The following DST variants were observed in gnomAD, a reference collection of about 807,000 sequenced individuals.
DST encodes bullous pemphigoid antigen.
Under a neutral mutation model 875.2 loss-of-function variants are expected in DST, and 253 were observed. That is an observed-to-expected ratio of 0.29 (90% CI 0.26 to 0.32). The LOEUF is 0.32. Ranked by LOEUF, DST falls within the 10% of genes least tolerant of loss-of-function variation. The pLI is 1.00. For missense variants in DST, 8,287 were observed against 9,111.6 expected (o/e 0.91, Z 3.68); for synonymous variants, 3,124 against 3,197.1 (o/e 0.98, Z 0.77).
At chr6:56,909,314 G>T (rs1029342349) in intron 2 of DST, among the ~76,000 whole-genome samples, 19 of 152,096 alleles carry the variant, frequency 1.2e-4, no homozygotes, top group African/African-American at 4.6e-4. Flanking sequence ...GTTAGATAAG[G>T]CCATGTGACT....
chr6:56,492,103 T>C (rs2095767538), intron 85 of DST, 124 bp downstream of exon 85: 8 of 898,662 alleles, frequency 8.9e-6, no homozygotes, highest in Non-Finnish European at 1.2e-5. Flanking sequence ...AGAACCACCA[T>C]GGCACCATGC....
intron 3 of DST, among the ~76,000 whole-genome samples, chr6:56,882,384 A>G (rs1302334289): frequency 6.6e-6 from 1 of 152,262 alleles, no homozygotes; most frequent in Non-Finnish European, 1.5e-5. Context: ...GCTAAAAATT[A>G]TACTCCATTC....
At chr6:56,647,543 C>T (rs1441484906) in intron 13 of DST, among the ~76,000 whole-genome samples, 1 of 152,116 alleles carries the variant, frequency 6.6e-6, no homozygotes, top group Non-Finnish European at 1.5e-5. Flanking sequence ...AGCTTACAAA[C>T]CAAAGAATTA....
chr6:56,605,674 T>C lies in DST; in HGVS notation c.8954A>G (p.Asn2985Ser). 6.2e-7 allele frequency: 1 copy of C among 1,612,990 alleles called. No individual in the cohort carries two copies. Among genetic ancestry groups the C allele is most frequent in the Non-Finnish European group, 8.5e-7 (1 of 1,179,376 alleles). Residue 2985 changes from asparagine to serine, a missense_variant, in exon 40 of 104, where the codon AAT becomes AGT. Transcript: ENST00000680361. ...SVKGKDEYFK[N>S]MTPKVDSSLD... ...AGATGAGTCAACTTTTGGTGTCATA[T>C]TCTTAAAATATTCATCTTTACCTTT... is the stretch of plus-strand genomic sequence containing the variant.
chr6:56,795,214 G>A (rs1451328498), intron 4 of DST, among the ~76,000 whole-genome samples: 5 of 151,940 alleles, frequency 3.3e-5, no homozygotes, highest in Admixed American at 3.3e-4. Context: ...AGAATAATTA[G>A]AGTACAAAAA....
chr6:56,478,594 G>A (rs772921933), intron 90 of DST, among the ~76,000 whole-genome samples: 14 of 152,202 alleles, frequency 9.2e-5, no homozygotes, highest in Non-Finnish European at 1.3e-4. Flanking sequence ...CTCTGAAAAT[G>A]TGATTACAAA....
In DST at chr6:56,765,079, G is replaced by A. The variant is rs557762353; in HGVS notation, c.626-29790C>T. Among the ~76,000 whole-genome samples, 8 of 152,234 alleles carry A rather than the reference G, an allele frequency of 5.3e-5. No individual in the cohort carries two copies. In the East Asian group the frequency reaches 5.8e-4, roughly 11 times the overall value. On this transcript the variant is annotated intron_variant, in intron 4 of 103. Coordinates refer to ENST00000680361, the MANE Select transcript of DST (RefSeq NM_001374736.1). Reference sequence around the variant, plus strand: ...TATGATTGCCTGCTACTTGCTAGCCGTAAGAGTAGGAATAACTTATTCAGT... The same window carrying A: ...TATGATTGCCTGCTACTTGCTAGCCATAAGAGTAGGAATAACTTATTCAGT...
At chr6:56,516,587 G>C (rs754199169) in intron 71 of DST, among the ~76,000 whole-genome samples, 19 of 151,954 alleles carry the variant, frequency 1.3e-4, no homozygotes, top group Non-Finnish European at 2.2e-4. Context: ...TGCCATGCAT[G>C]GGATATCTTT....
At chr6:56,811,454 C>A (rs1364406486) in intron 4 of DST, among the ~76,000 whole-genome samples, 2 of 152,124 alleles carry the variant, frequency 1.3e-5, no homozygotes, top group African/African-American at 4.8e-5. Flanking sequence ...CAATATTATG[C>A]CTTGGTTTCC....
chr6:56,922,221 T>C (rs1254677867), intron 2 of DST, among the ~76,000 whole-genome samples: 1 of 152,196 alleles, frequency 6.6e-6, no homozygotes. Flanking sequence ...GTCATTCCTA[T>C]ATTTTTCAAA....
chr6:56,947,633 C>A (rs991397162), intron 2 of DST, among the ~76,000 whole-genome samples: 3 of 152,184 alleles, frequency 2.0e-5, no homozygotes, highest in Non-Finnish European at 4.4e-5. Flanking sequence ...TGTCAACTGT[C>A]ATGTAGTATA....
intron 61 of DST, chr6:56,541,423 G>C (rs538433287): frequency 6.5e-6 from 1 of 152,718 alleles, no homozygotes; most frequent in South Asian, 2.1e-4. Flanking sequence ...TTGAACCAGA[G>C]TCTATCTGTT....
rs759887908 is a variant in DST, at chr6:56,605,601, A to C, written c.9027T>G (p.Ala3009=). The change falls in exon 40 of 104, where the codon GCT becomes GCG. Residue 3009 remains alanine (A), a synonymous_variant. Coordinates refer to ENST00000680361, the MANE Select transcript of DST (RefSeq NM_001374736.1). ...CTATCAATGACAAATGGCTTTCCTC[A>C]GCAGGTTTTCCTATTAAATCAGGCT... ...CTEPDLIGKP[A]EESHLSLIAS... The C allele has an allele frequency of 6.2e-7, 1 of 1,613,090 alleles. No individual in the cohort carries two copies.
intron 4 of DST, among the ~76,000 whole-genome samples, chr6:56,836,158 A>G (rs766924743): frequency 1.8e-4 from 27 of 152,318 alleles, no homozygotes; most frequent in Middle Eastern, 3.4e-3. Context: ...TATCTGAGAA[A>G]GTTGTAGTAT....
Position 56,468,976 on chromosome 6 carries a change from T to C in DST, c.22569+6A>G. 2.5e-6 allele frequency: 4 copies of C among 1,577,386 alleles called. No homozygotes were observed. The highest frequency in any genetic ancestry group is 3.4e-6 in the Non-Finnish European group (4 of 1,159,728). On this transcript the variant is annotated splice_donor_region_variant and intron_variant, in intron 98 of 103. Transcript: ENST00000680361. ...GAACTTGAGAATACATTCCACTGGTTTATACCTGATTTCCCAGGAAGAACT... is the reference window on the plus strand; with the variant it reads ...GAACTTGAGAATACATTCCACTGGTCTATACCTGATTTCCCAGGAAGAACT...
At chr6:56,669,002 A>G (rs1383838319) in intron 10 of DST, among the ~76,000 whole-genome samples, 1 of 152,112 alleles carries the variant, frequency 6.6e-6, no homozygotes, top group Non-Finnish European at 1.5e-5. Flanking sequence ...TATTAGCAGT[A>G]TAAACTTGGT....
intron 4 of DST, among the ~76,000 whole-genome samples, chr6:56,808,266 C>A (rs528018484): frequency 1.4e-4 from 21 of 150,802 alleles, no homozygotes; most frequent in Admixed American, 2.0e-4. Flanking sequence ...AAAAAAAAAA[C>A]CAACTGAGAT....
intron 75 of DST, 109 bp downstream of exon 75, chr6:56,508,420 G>T: frequency 1.1e-6 from 1 of 896,184 alleles, no homozygotes; most frequent in Non-Finnish European, 1.8e-6. Flanking sequence ...TCCATTTTCA[G>T]AACCAAATAT....
chr6:56,731,880 A>T (rs1313738944), intron 5 of DST, among the ~76,000 whole-genome samples: 1 of 152,164 alleles, frequency 6.6e-6, no homozygotes, highest in Non-Finnish European at 1.5e-5. Context: ...TAATCATGAA[A>T]ATTTTGTTTT....
Sources: allele counts gnomAD v4.1 joint callset (sites outside exome capture counted in the v4.1 genomes callset), GRCh38; gene constraint gnomAD v4.1.1; transcripts MANE v1.5; gene names NCBI Gene and HGNC (gene_info 2026-07-23, HGNC 2026-07-21).